ABCC6: variants seen among roughly 807,000 people sequenced by gnomAD.
ABCC6 encodes ATP-binding cassette sub-family C member 6.
ABCC6 carries 126 observed loss-of-function variants against 169.5 expected under a neutral mutation model. The ratio of observed to expected loss-of-function variants is 0.74; its 90% CI spans 0.64 to 0.86. ABCC6 has a LOEUF of 0.86. Ranked by LOEUF, ABCC6 falls within the 40% of genes least tolerant of loss-of-function variation. The pLI is 0.00. For synonymous variants in ABCC6, 752 were observed against 814.7 expected (o/e 0.92, Z 1.31); for missense variants, 1,733 against 1,927.2 (o/e 0.90, Z 1.89).
chr16:16,164,757 A>T (rs1265484825), intron 23 of ABCC6, among the ~76,000 whole-genome samples: 1 of 152,158 alleles, frequency 6.6e-6, no homozygotes, highest in African/African-American at 2.4e-5. Context: ...CGACCCACAT[A>T]GTATCTGAGG....
At position 16,214,227 on chromosome 16, in the gene ABCC6, T is replaced by C. The variant is rs187272916; in HGVS notation, c.600+97A>G. ...GAAATGTGGTACACTTTTTGCTGAA[T>C]GGCTAAATGAATAAAAAAATTAAAG... On this transcript the variant is annotated intron_variant, in intron 5 of 30. Transcript: ENST00000205557. 6,509 of 1,545,162 alleles carry C rather than the reference T, an allele frequency of 4.2e-3. 28 individuals carry two copies. Among genetic ancestry groups the C allele is most frequent in the Non-Finnish European group, 4.9e-3 (5,646 of 1,141,984 alleles).
chr16:16,196,135 G>T (rs1431797262), intron 10 of ABCC6, among the ~76,000 whole-genome samples: 1 of 151,688 alleles, frequency 6.6e-6, no homozygotes, highest in Non-Finnish European at 1.5e-5. Context: ...GCTTGAACCT[G>T]GGAGGTGGAG....
intron 7 of ABCC6, among the ~76,000 whole-genome samples, chr16:16,205,325 A>C (rs2048359792): frequency 6.6e-6 from 1 of 152,238 alleles, no homozygotes; most frequent in East Asian, 1.9e-4. Flanking sequence ...GAGGTCACAC[A>C]GCAAGGGCAG....
At chr16:16,178,409 C>G (rs1435603118) in intron 18 of ABCC6, among the ~76,000 whole-genome samples, 4 of 152,030 alleles carry the variant, frequency 2.6e-5, no homozygotes, top group African/African-American at 9.7e-5. Context: ...GGTATTGTCC[C>G]TGGACTCAGA....
chr16:16,201,107 C>T (rs1567526892), intron 9 of ABCC6, among the ~76,000 whole-genome samples: 1 of 152,196 alleles, frequency 6.6e-6, no homozygotes, highest in Non-Finnish European at 1.5e-5. Context: ...GCTGGAATTA[C>T]AGGCACATGC....
intron 2 of ABCC6, among the ~76,000 whole-genome samples, chr16:16,220,643 C>T (rs1270833040): frequency 6.6e-6 from 1 of 152,130 alleles, no homozygotes; most frequent in African/African-American, 2.4e-5. Flanking sequence ...CACCTGTAAT[C>T]CCAGCACTTT....
At chr16:16,187,896 CAATAAATAAATTA>C (rs1232088863) in intron 13 of ABCC6, among the ~76,000 whole-genome samples, 3 of 107,836 alleles carry the variant, frequency 2.8e-5, no homozygotes, top group African/African-American at 6.1e-5. Context: ...GACACTGTCT[CAATAAATAAATTA>C]AATAAATAAA....
At chr16:16,155,668 AC>A (rs1769508459) in intron 27 of ABCC6, 1 of 154,248 alleles carries the variant, frequency 6.5e-6, no homozygotes, top group African/African-American at 2.4e-5. Flanking sequence ...GCTGTTATCC[AC>A]CCTCCATCCT....
At chr16:16,220,097 T>G (rs1372482623) in intron 2 of ABCC6, 150 bp from the exon 3 acceptor site, 4 of 670,628 alleles carry the variant, frequency 6.0e-6, no homozygotes, top group Non-Finnish European at 1.1e-5. Flanking sequence ...CGTGCCAATG[T>G]GAACAATGTG....
At chr16:16,179,827 G>T (rs555408941) in intron 17 of ABCC6, among the ~76,000 whole-genome samples, 2 of 152,284 alleles carry the variant, frequency 1.3e-5, no homozygotes, top group Admixed American at 1.3e-4. Flanking sequence ...CTGCCCTCAG[G>T]TGATCCGCCC....
In ABCC6 at chr16:16,208,652, G is replaced by A. The variant is rs149425955; in HGVS notation, c.794+76C>T. 777 of 1,610,226 alleles carry A rather than the reference G, an allele frequency of 4.8e-4. 5 individuals are homozygous for A. The African/African-American group carries it at 9.1e-3, about 19-fold the overall frequency. On this transcript the variant is annotated intron_variant, in intron 7 of 30. Coordinates refer to ENST00000205557, the MANE Select transcript of ABCC6 (RefSeq NM_001171.6). ...CTCCCAAAATGCCGGGATTACAGTC[G>A]TGAGCCACCGCACCCGGCCAATGAT...
At chr16:16,150,337 A>G in intron 30 of ABCC6, 96 bp from the exon 31 acceptor site, 2 of 1,580,448 alleles carry the variant, frequency 1.3e-6, no homozygotes, top group Non-Finnish European at 1.7e-6. Context: ...GGTTTTCTCC[A>G]TAGAAGTCCT....
intron 10 of ABCC6, among the ~76,000 whole-genome samples, chr16:16,194,481 G>T (rs2047969703): frequency 6.6e-6 from 1 of 152,182 alleles, no homozygotes; most frequent in South Asian, 2.1e-4. Context: ...ATTTTGGGAT[G>T]GTTATCTTCC....
In ABCC6 at chr16:16,170,907, G is replaced by T. The variant is rs770193618; in HGVS notation, c.2788-1054C>A. ...ACACTCTTCTCTGGGCGACAAGAGT[G>T]AAACTCTGTCTCAAAAAAAAAAAAA... On this transcript the variant is annotated intron_variant, in intron 21 of 30. Coordinates refer to ENST00000205557, the MANE Select transcript of ABCC6 (RefSeq NM_001171.6). Among the ~76,000 whole-genome samples the T allele has an allele frequency of 2.3e-3, 219 of 94,894 alleles. 1 individual carries two copies. The highest frequency in any genetic ancestry group is 2.7e-3 in the Non-Finnish European group (143 of 53,038). 62.3% of individuals were successfully genotyped at this position (94,894 alleles called of 152,430 possible). A position where few individuals can be genotyped will look rare whatever the true frequency, so the allele number is the denominator to read the frequency against.
At chr16:16,221,385 G>T (rs2049066050) in intron 2 of ABCC6, 10 of 1,410,966 alleles carry the variant, frequency 7.1e-6, no homozygotes, top group Non-Finnish European at 6.5e-6. Flanking sequence ...GCCAGGTTAT[G>T]GTAGCTATAA....
chr16:16,204,743 CTG>C (rs1425769310), intron 7 of ABCC6, among the ~76,000 whole-genome samples: 1 of 152,050 alleles, frequency 6.6e-6, no homozygotes, highest in Non-Finnish European at 1.5e-5. Context: ...GCTCCTCTCT[CTG>C]TGTGTGAGAG....
intron 10 of ABCC6, among the ~76,000 whole-genome samples, chr16:16,194,897 C>A (rs756084296): frequency 4.6e-5 from 7 of 152,028 alleles, no homozygotes; most frequent in Non-Finnish European, 1.5e-5. Context: ...CCAGGCTGGT[C>A]TCGAACTCCT....
chr16:16,163,216 G>T (rs775299384), intron 23 of ABCC6, 24 bp from the exon 24 acceptor site: 1 of 1,607,454 alleles, frequency 6.2e-7, no homozygotes, highest in Non-Finnish European at 8.5e-7. Context: ...ATGGGAGAGG[G>T]AAGAGGAGAA....
chr16:16,205,422 A>C (rs1159388013), intron 7 of ABCC6, among the ~76,000 whole-genome samples: 1 of 152,140 alleles, frequency 6.6e-6, no homozygotes, highest in Non-Finnish European at 1.5e-5. Flanking sequence ...ATAATAAAAT[A>C]ATAATAAAAA....
Sources: allele counts gnomAD v4.1 joint callset (sites outside exome capture counted in the v4.1 genomes callset), GRCh38; gene constraint gnomAD v4.1.1; transcripts MANE v1.5; gene names NCBI Gene and HGNC (gene_info 2026-07-23, HGNC 2026-07-21).